Variants in UBR4 observed in about 807,000 individuals in gnomAD.
UBR4 encodes the protein ubiquitin protein ligase E3 component n-recognin 4, also known as E3 ubiquitin-protein ligase UBR4.
In UBR4, 124 loss-of-function variants were observed where a neutral mutation model predicts 575.6. The observed-to-expected ratio is 0.22, with a 90% CI of 0.19 to 0.25. UBR4 has a LOEUF of 0.25. Among genes scored for constraint, UBR4 ranks in the 10% least tolerant of loss-of-function variants. The pLI, the probability that UBR4 is intolerant of heterozygous loss-of-function variation, is 1.00. For missense variants in UBR4, 4,818 were observed against 6,478.8 expected (o/e 0.74, Z 8.80); for synonymous variants, 2,455 against 2,473.7 (o/e 0.99, Z 0.22).
chr1:19,159,336 C>T (rs184950748), intron 39 of UBR4, among the ~76,000 whole-genome samples: 173 of 152,186 alleles, frequency 1.1e-3, no homozygotes, highest in South Asian at 5.4e-3. Context: ...ATGACTTATA[C>T]CTTATAACCC....
At position 19,164,311 on chromosome 1, in the gene UBR4, C is replaced by T; in HGVS notation, c.4642G>A (p.Gly1548Ser). Residue 1548 changes from glycine (G) to serine (S), a missense_variant, in exon 33 of 106, where the codon GGT (glycine) becomes AGT (serine). Transcript: ENST00000375254. ...MVVMATLASA[G>S]QGAGHLQLHN... ...AGCTGAAGGTGACCAGCACCTTGAC[C>T]TGCACTGGCCAGAGTGGCCATCACA... 3 of 1,614,244 alleles carry T rather than the reference C, an allele frequency of 1.9e-6. No individual in the cohort carries two copies. Among genetic ancestry groups the T allele is most frequent in the Non-Finnish European group, 8.5e-7 (1 of 1,180,042 alleles).
chr1:19,147,085 CCAGGA>C, intron 51 of UBR4, 85 bp from the exon 52 acceptor site: 1 of 1,438,846 alleles, frequency 7.0e-7, no homozygotes, highest in Non-Finnish European at 9.3e-7. Flanking sequence ...TGGCAGATCA[CCAGGA>C]TTATTACCTC....
chr1:19,196,679 C>T (rs776944058), intron 8 of UBR4, among the ~76,000 whole-genome samples: 7 of 152,164 alleles, frequency 4.6e-5, no homozygotes, highest in Non-Finnish European at 1.0e-4. Flanking sequence ...TTCCACGAAG[C>T]CTTCTTCAAA....
chr1:19,147,899 C>T (rs974295279), intron 51 of UBR4, 94 bp downstream of exon 51: 3 of 1,527,308 alleles, frequency 2.0e-6, no homozygotes, highest in Non-Finnish European at 1.8e-6. Context: ...CCTCCCTCTA[C>T]CTTACTTTGC....
Position 19,185,172 on chromosome 1 carries a change from C to G in UBR4, c.1865G>C (p.Arg622Pro). 1 of 1,614,074 alleles carries G rather than the reference C, an allele frequency of 6.2e-7. No individual in the cohort carries two copies. The change falls in exon 15 of 106, where the codon CGG (arginine) becomes CCG (proline). Residue 622 changes from arginine to proline, a missense_variant. Physicochemically the swap from Arg to Pro is moderately radical, Grantham distance 103 (BLOSUM62 -2). Coordinates refer to ENST00000375254, the MANE Select transcript of UBR4 (RefSeq NM_020765.3). ...PPPPPLESSPRVKSPSKQAPG... is the reference protein window; with the variant it reads ...PPPPPLESSPPVKSPSKQAPG... ...GGCCTGCTTACTGGGGCTTTTAACC[C>G]GAGGAGAGCTTTCCAGTGGAGGAGG...
At chr1:19,173,939 C>A (rs193279884) in intron 22 of UBR4, among the ~76,000 whole-genome samples, 39 of 152,320 alleles carry the variant, frequency 2.6e-4, no homozygotes, top group African/African-American at 7.9e-4. Flanking sequence ...GCTTAGCAGA[C>A]CTGCAATCAG....
chr1:19,086,951 T>C, intron 99 of UBR4, 130 bp from the exon 100 acceptor site: 1 of 1,305,276 alleles, frequency 7.7e-7, no homozygotes, highest in Non-Finnish European at 1.0e-6. Context: ...ACTAGGGAAG[T>C]TCAGAAGAGC....
chr1:19,165,519 A>ATT lies in UBR4; in HGVS notation c.4211+135_4211+136dup, dbSNP rs1335208197. ...CACCAACAACCCCAAGGAGTCAGCA[A>ATT]TTAACTCCCCAAAGTGCAGACACCT... On this transcript the variant is annotated intron_variant, in intron 30 of 105. Transcript: ENST00000375254. The ATT allele has an allele frequency of 2.0e-5, 21 of 1,073,446 alleles. No individual in the cohort carries two copies. The African/African-American group carries it at 3.0e-4, about 15-fold the overall frequency. 66.5% of individuals were successfully genotyped at this position (1,073,446 alleles called of 1,614,324 possible).
chr1:19,133,577 T>C (rs749478190), intron 60 of UBR4, among the ~76,000 whole-genome samples: 6 of 152,116 alleles, frequency 3.9e-5, no homozygotes, highest in Non-Finnish European at 8.8e-5. Context: ...AGTATAAAGA[T>C]TGGAACGAAA....
chr1:19,162,034 G>T lies in UBR4; in HGVS notation c.4957-137C>A. 5.1e-6 allele frequency: 5 copies of T among 982,634 alleles called. No homozygotes were observed. In the South Asian group the frequency reaches 7.9e-5, roughly 15 times the overall value. 60.9% of individuals were successfully genotyped at this position (982,634 alleles called of 1,614,324 possible). ...GACCCGTGGAAATCTACCACAACTG[G>T]AAATAGCTAGCTGGCTGAAAATCTG... On this transcript the variant is annotated intron_variant, in intron 35 of 105. Coordinates refer to ENST00000375254, the MANE Select transcript of UBR4 (RefSeq NM_020765.3).
chr1:19,113,959 G>A lies in UBR4; in HGVS notation c.11314C>T (p.Pro3772Ser), dbSNP rs756310935. ...CGTGGGACTACCTGTGGCTTTTCTG[G>A]AGCTGCCTCATTCACTTTGCAGAGC... ...NLLCKVNEAA[P>S]EKPQDDSGTA... The change falls in exon 76 of 106, where the codon CCA becomes TCA. Residue 3772 changes from proline (P) to serine (S), a missense_variant. Coordinates refer to ENST00000375254, the MANE Select transcript of UBR4 (RefSeq NM_020765.3). 3 of 1,614,056 alleles carry A rather than the reference G, an allele frequency of 1.9e-6. No homozygotes were observed. Among genetic ancestry groups the A allele is most frequent in the East Asian group, 2.2e-5 (1 of 44,898 alleles).
At chr1:19,196,281 CCTTTAT>C (rs917808872) in intron 8 of UBR4, among the ~76,000 whole-genome samples, 3 of 152,102 alleles carry the variant, frequency 2.0e-5, no homozygotes, top group African/African-American at 4.8e-5. Context: ...AGCACAAATG[CCTTTAT>C]CTTTATCTTC....
Position 19,093,232 on chromosome 1 carries a change from T to C in UBR4, c.14111+81A>G. The C allele has an allele frequency of 6.5e-7, 1 of 1,540,364 alleles. No individual in the cohort carries two copies. Among genetic ancestry groups the C allele is most frequent in the Non-Finnish European group, 8.8e-7 (1 of 1,135,486 alleles). ...GAGGGCAAGGGGCACACGTGAAGCT[T>C]TATGCCAAGATGCTGATGGAGAAGG... is the stretch of plus-strand genomic sequence containing the variant. On this transcript the variant is annotated intron_variant, in intron 96 of 105. Transcript: ENST00000375254. The surrounding 1 kb of genome is among the most constrained non-coding windows in gnomAD (Gnocchi z 4.8).
Position 19,106,553 on chromosome 1 carries a change from A to C in UBR4, c.12393+16T>G. 1 of 1,549,386 alleles carries C rather than the reference A, an allele frequency of 6.5e-7. No individual in the cohort carries two copies. The highest frequency in any genetic ancestry group is 8.7e-7 in the Non-Finnish European group (1 of 1,149,290). On this transcript the variant is annotated intron_variant, in intron 83 of 105. Transcript: ENST00000375254. ...CAGGGGCGCAGGGGGTGAAGAGTCC[A>C]GAAGTGGCCACTCACTTGTCGCAGC...
rs1557950639 is a variant in UBR4, at chr1:19,184,192, C to CA, written c.1939-18dup. On this transcript the variant is annotated splice_polypyrimidine_tract_variant and intron_variant, in intron 15 of 105. Coordinates refer to ENST00000375254, the MANE Select transcript of UBR4 (RefSeq NM_020765.3). Reference sequence around the variant, plus strand: ...ACCTAAGAACTGAAAGGAACACACACAAAAAAGCTCTTATCAGGGTCATAA... The same window carrying CA: ...ACCTAAGAACTGAAAGGAACACACACAAAAAAAGCTCTTATCAGGGTCATAA... 1.2e-6 allele frequency: 2 copies of CA among 1,608,042 alleles called. No homozygotes were observed. Among genetic ancestry groups the CA allele is most frequent in the Non-Finnish European group, 1.7e-6 (2 of 1,178,018 alleles).
rs565283981 is a variant in UBR4, at chr1:19,186,711, G to A, written c.1633-54C>T. 100 of 1,534,616 alleles carry A rather than the reference G, an allele frequency of 6.5e-5. 1 individual carries two copies. Among genetic ancestry groups the A allele is most frequent in the Non-Finnish European group, 8.5e-5 (95 of 1,115,308 alleles). ...GCCATCCTATTTAATCTCATGCATC[G>A]CATGAAAACTTTCTCCATAATCTCT... On this transcript the variant is annotated intron_variant, in intron 13 of 105. Coordinates refer to ENST00000375254, the MANE Select transcript of UBR4 (RefSeq NM_020765.3).
intron 25 of UBR4, among the ~76,000 whole-genome samples, chr1:19,172,409 C>T (rs1571423893): frequency 1.3e-5 from 2 of 152,212 alleles, no homozygotes; most frequent in African/African-American, 4.8e-5. Flanking sequence ...CCCAGCTACT[C>T]AGGAGGCTGA....
chr1:19,194,571 G>A (rs1043148382), intron 8 of UBR4, among the ~76,000 whole-genome samples: 1 of 152,156 alleles, frequency 6.6e-6, no homozygotes, highest in Non-Finnish European at 1.5e-5. Flanking sequence ...GGAGGCCCAG[G>A]TGGGTGGATC....
chr1:19,095,139 T>C (rs2077902984), intron 93 of UBR4, 114 bp from the exon 94 acceptor site: 1 of 1,482,790 alleles, frequency 6.7e-7, no homozygotes, highest in Non-Finnish European at 9.3e-7. Flanking sequence ...ACCATGTGTG[T>C]ATGACCGTGT....
Sources: allele counts gnomAD v4.1 joint callset (sites outside exome capture counted in the v4.1 genomes callset), GRCh38; gene constraint gnomAD v4.1.1; non-coding constraint Gnocchi (gnomAD v3.1); transcripts MANE v1.5; gene names NCBI Gene and HGNC (gene_info 2026-07-23, HGNC 2026-07-21).